AFF3: variants seen among roughly 807,000 people sequenced by gnomAD.
AFF3 encodes the protein ALF transcription elongation factor 3, also known as AF4/FMR2 family member 3.
A neutral mutation model predicts 129.7 loss-of-function variants in AFF3; 32 were observed. That is an observed-to-expected ratio of 0.25 (90% confidence interval 0.19 to 0.33). The LOEUF (loss-of-function observed/expected upper bound fraction) is 0.33. AFF3 is among the 10% of genes least tolerant of loss of function. The pLI is 1.00. For synonymous variants in AFF3, 644 were observed against 635.4 expected, an observed-to-expected ratio of 1.01 and a Z score of -0.20; for missense variants, 1,373 against 1,592.0, an observed-to-expected ratio of 0.86 and a Z score of 2.34.
chr2:100,140,459 G>C (rs1692812261), intron 1 of AFF3, among the ~76,000 whole-genome samples: 1 of 152,128 alleles, frequency 6.6e-6, no homozygotes, highest in Non-Finnish European at 1.5e-5. Context: ...GGGTGTGATG[G>C]GTGGGGGATT....
chr2:100,102,084 A>G (rs1382512774), intron 4 of AFF3, among the ~76,000 whole-genome samples: 4 of 152,118 alleles, frequency 2.6e-5, no homozygotes, highest in African/African-American at 9.7e-5. Flanking sequence ...TAAGAGATTC[A>G]AATAAGAAAA....
At chr2:99,616,448 C>A (rs1463901270) in intron 13 of AFF3, among the ~76,000 whole-genome samples, 2 of 152,024 alleles carry the variant, frequency 1.3e-5, no homozygotes, top group African/African-American at 2.4e-5. Flanking sequence ...ACAACTATCA[C>A]CATGATCTAA....
intron 12 of AFF3, among the ~76,000 whole-genome samples, chr2:99,667,864 A>T (rs1686811059): frequency 6.7e-6 from 1 of 149,450 alleles, no homozygotes. Context: ...AACTATTAAT[A>T]TTTTTTTTTT....
In AFF3 at chr2:99,546,722, T is replaced by C. The variant is rs1674083757; in HGVS notation, c.*4752A>G. The C allele has an allele frequency of 4.4e-6, 1 of 224,862 alleles. No homozygotes were observed. The highest frequency in any genetic ancestry group is 5.7e-5 in the Admixed American group (1 of 17,460). 13.9% of individuals were successfully genotyped at this position (224,862 alleles called of 1,614,324 possible). Reference sequence around the variant, plus strand: ...CGTCTTCTTTAGTTCAAAATTATCTTATTTTACTCAACCAAATATTGCAAA... The same window carrying C: ...CGTCTTCTTTAGTTCAAAATTATCTCATTTTACTCAACCAAATATTGCAAA... On this transcript the variant is annotated 3_prime_UTR_variant, in exon 25 of 25. Coordinates refer to ENST00000672756, the MANE Select transcript of AFF3 (RefSeq NM_001386135.1).
At chr2:99,570,341 T>C (rs1254052893) in intron 18 of AFF3, among the ~76,000 whole-genome samples, 2 of 152,190 alleles carry the variant, frequency 1.3e-5, no homozygotes, top group Admixed American at 6.5e-5. Flanking sequence ...GATGTTATTT[T>C]TGTTGTTGTT....
At chr2:99,876,076 C>T (rs1692271821) in intron 7 of AFF3, among the ~76,000 whole-genome samples, 1 of 152,130 alleles carries the variant, frequency 6.6e-6, no homozygotes, top group South Asian at 2.1e-4. Context: ...CAGCTCCTCT[C>T]CAATCACTTA....
At chr2:99,738,480 C>T (rs1200027965) in intron 10 of AFF3, among the ~76,000 whole-genome samples, 1 of 152,080 alleles carries the variant, frequency 6.6e-6, no homozygotes, top group Non-Finnish European at 1.5e-5. Context: ...TTTTATTTAA[C>T]ACAAATAATT....
At chr2:99,979,473 AT>A (rs924800816) in intron 7 of AFF3, among the ~76,000 whole-genome samples, 2 of 152,046 alleles carry the variant, frequency 1.3e-5, no homozygotes, top group Non-Finnish European at 2.9e-5. Context: ...ATCTTTAGAA[AT>A]TTTTTTAAAT....
At chr2:100,110,504 C>T (rs1006090447) in intron 2 of AFF3, among the ~76,000 whole-genome samples, 2 of 152,156 alleles carry the variant, frequency 1.3e-5, no homozygotes, top group African/African-American at 4.8e-5. Context: ...ATGCAGCCCT[C>T]GGAGGAAACC....
At chr2:100,062,039 A>T (rs1687332255) in intron 4 of AFF3, among the ~76,000 whole-genome samples, 1 of 152,234 alleles carries the variant, frequency 6.6e-6, no homozygotes, top group Admixed American at 6.5e-5. Flanking sequence ...CTCCCTCTGA[A>T]GTGGAGGAAA....
intron 7 of AFF3, among the ~76,000 whole-genome samples, chr2:99,999,701 C>T (rs1049234518): frequency 1.6e-4 from 24 of 152,050 alleles, no homozygotes; most frequent in African/African-American, 5.8e-4. Context: ...CCGTGCTAAG[C>T]ACTGTAAGTA....
intron 4 of AFF3, among the ~76,000 whole-genome samples, chr2:100,027,930 C>T (rs1331719003): frequency 1.3e-5 from 2 of 152,122 alleles, no homozygotes; most frequent in Admixed American, 6.5e-5. Flanking sequence ...CATTACTTTA[C>T]TATGAAAACA....
At chr2:99,847,748 C>T (rs1190351744) in intron 7 of AFF3, among the ~76,000 whole-genome samples, 1 of 151,968 alleles carries the variant, frequency 6.6e-6, no homozygotes, top group Non-Finnish European at 1.5e-5. Context: ...CTGCTGACCA[C>T]TGAATTTTCA....
intron 12 of AFF3, among the ~76,000 whole-genome samples, chr2:99,669,273 G>A (rs1299143670): frequency 1.3e-5 from 2 of 152,174 alleles, no homozygotes; most frequent in Admixed American, 6.5e-5. Context: ...ATGCTGATAA[G>A]AGCACACTAT....
chr2:99,551,286 C>G lies in AFF3; in HGVS notation c.*188G>C. Reference sequence around the variant, plus strand: ...AAGAGCTGTGTATCTTACACACATACACAGGCGGCTTCTTATATACCCACA... The same window carrying G: ...AAGAGCTGTGTATCTTACACACATAGACAGGCGGCTTCTTATATACCCACA... On this transcript the variant is annotated 3_prime_UTR_variant, in exon 25 of 25. Coordinates refer to ENST00000672756, the MANE Select transcript of AFF3 (RefSeq NM_001386135.1). 1.4e-6 allele frequency: 1 copy of G among 732,292 alleles called. No homozygotes were observed. Among genetic ancestry groups the G allele is most frequent in the Middle Eastern group, 3.9e-4 (1 of 2,532 alleles). The allele number at this position is 732,292 out of a possible 1,614,324, so 45.4% of individuals were successfully genotyped here.
At chr2:99,998,955 C>T (rs1681124847) in intron 7 of AFF3, among the ~76,000 whole-genome samples, 1 of 152,094 alleles carries the variant, frequency 6.6e-6, no homozygotes, top group Non-Finnish European at 1.5e-5. Context: ...ATGTGGGCTC[C>T]CTCCTATATT....
At chr2:100,072,556 C>A (rs992482030) in intron 4 of AFF3, among the ~76,000 whole-genome samples, 4 of 152,184 alleles carry the variant, frequency 2.6e-5, no homozygotes, top group Non-Finnish European at 4.4e-5. Context: ...GCTGGCCGGG[C>A]TATACCATGA....
intron 13 of AFF3, among the ~76,000 whole-genome samples, chr2:99,634,379 G>T (rs764888223): frequency 1.3e-5 from 2 of 152,174 alleles, no homozygotes; most frequent in African/African-American, 2.4e-5. Context: ...AGGCTTGAAG[G>T]GGACCCAGGA....
Position 99,856,508 on chromosome 2 carries a change from G to A in AFF3, c.874-18984C>T, listed in dbSNP as rs537444106. On this transcript the variant is annotated intron_variant, in intron 7 of 24. Coordinates refer to ENST00000672756, the MANE Select transcript of AFF3 (RefSeq NM_001386135.1). ...GCCTCCAAACAAAAGGAACAAAACAGCAGCAAAAGTTTTAAAAAGAGTACA... is the reference window on the plus strand; with the variant it reads ...GCCTCCAAACAAAAGGAACAAAACAACAGCAAAAGTTTTAAAAAGAGTACA... Among the ~76,000 whole-genome samples the A allele has an allele frequency of 3.9e-4, 60 of 152,218 alleles. 1 individual carries two copies. Among genetic ancestry groups the A allele is most frequent in the Admixed American group, 7.2e-4 (11 of 15,282 alleles).
Sources: gnomAD v4.1 joint callset for allele counts (sites outside exome capture counted in the v4.1 genomes callset) on GRCh38, gnomAD v4.1.1 for gene constraint, MANE v1.5 for transcripts, NCBI Gene and HGNC (gene_info 2026-07-23, HGNC 2026-07-21) for gene names.